Variants in HEG1 observed in about 807,000 individuals in gnomAD.
The protein encoded by HEG1 is heart development protein with EGF like domains 1.
Under a neutral mutation model 125.6 loss-of-function variants are expected in HEG1, and 56 were observed. The ratio of observed to expected loss-of-function variants is 0.45; its 90% CI spans 0.36 to 0.56. The LOEUF (loss-of-function observed/expected upper bound fraction) is 0.56. Ranked by LOEUF, HEG1 falls within the 20% of genes least tolerant of loss-of-function variation. HEG1 has a pLI of 0.00. For synonymous variants in HEG1, 644 were observed against 668.5 expected (o/e 0.96, Z 0.57); for missense variants, 1,523 against 1,670.0 (o/e 0.91, Z 1.53).
intron 3 of HEG1, among the ~76,000 whole-genome samples, chr3:125,021,642 G>A (rs1937337023): frequency 6.6e-6 from 1 of 152,222 alleles, no homozygotes; most frequent in East Asian, 1.9e-4. Context: ...GCAGAACACA[G>A]CTGGGACACT....
chr3:125,009,671 C>T lies in HEG1; in HGVS notation c.3193+34G>A, dbSNP rs573273572. The T allele has an allele frequency of 4.2e-4, 658 of 1,575,032 alleles. 12 individuals carry two copies. In the South Asian group the frequency reaches 6.2e-3, roughly 15 times the overall value. On this transcript the variant is annotated intron_variant, in intron 8 of 16. Transcript: ENST00000311127. ...TTACCTTGTAAAATATATTGTGGTACGGAATAAAGTCCGAAATAGACTAAG... is the reference window on the plus strand; with the variant it reads ...TTACCTTGTAAAATATATTGTGGTATGGAATAAAGTCCGAAATAGACTAAG...
At chr3:124,982,622 A>G (rs1223487651) in intron 14 of HEG1, among the ~76,000 whole-genome samples, 2 of 152,134 alleles carry the variant, frequency 1.3e-5, no homozygotes, top group East Asian at 3.9e-4. Flanking sequence ...CTTTCATCAA[A>G]CCAACAGCAC....
In HEG1 at chr3:125,032,868, C is replaced by A. The variant is rs193097283; in HGVS notation, c.317-3380G>T. On this transcript the variant is annotated intron_variant, in intron 1 of 16. Transcript: ENST00000311127. ...TCAGCCATTGGTGAGTGTGGCGGGG[C>A]CTTTGAGGAAGCAGCTTTGTTCCCT... Among the ~76,000 whole-genome samples, 135 of 152,136 alleles carry A rather than the reference C, an allele frequency of 8.9e-4. 4 individuals carry two copies. The East Asian group carries it at 0.018, about 21-fold the overall frequency.
intron 12 of HEG1, among the ~76,000 whole-genome samples, chr3:124,992,656 A>G (rs1264833646): frequency 6.6e-6 from 1 of 152,210 alleles, no homozygotes; most frequent in East Asian, 1.9e-4. Flanking sequence ...TGTGTGTGAT[A>G]ACTTTCCTCA....
At chr3:125,001,276 T>A (rs1296747159) in intron 11 of HEG1, among the ~76,000 whole-genome samples, 1 of 151,916 alleles carries the variant, frequency 6.6e-6, no homozygotes, top group East Asian at 1.9e-4. Flanking sequence ...GATGAAGGTT[T>A]TGGTGGTGGT....
chr3:125,026,878 T>C (rs936931485), intron 3 of HEG1, among the ~76,000 whole-genome samples: 4 of 152,144 alleles, frequency 2.6e-5, no homozygotes, highest in African/African-American at 4.8e-5. Context: ...TGGGCGCCTG[T>C]AATCCCAGCT....
chr3:125,046,379 G>GTA (rs1279238564), intron 1 of HEG1, among the ~76,000 whole-genome samples: 15 of 132,080 alleles, frequency 1.1e-4, no homozygotes, highest in Middle Eastern at 3.3e-3. Flanking sequence ...ATATGTATAT[G>GTA]TATATATATA....
intron 1 of HEG1, among the ~76,000 whole-genome samples, chr3:125,031,042 G>T (rs1462399870): frequency 1.3e-5 from 2 of 152,136 alleles, no homozygotes; most frequent in East Asian, 3.8e-4. Context: ...TGGCAAAGAG[G>T]GTATTAGTTA....
At chr3:124,996,715 G>A (rs924195590) in intron 12 of HEG1, among the ~76,000 whole-genome samples, 2 of 152,230 alleles carry the variant, frequency 1.3e-5, no homozygotes, top group African/African-American at 2.4e-5. Context: ...CTCATGGGAA[G>A]TCCTGATGGA....
intron 14 of HEG1, 71 bp downstream of exon 14, chr3:124,990,716 A>G: frequency 7.1e-7 from 1 of 1,402,392 alleles, no homozygotes; most frequent in Non-Finnish European, 9.9e-7. Flanking sequence ...GTGGGAGGAG[A>G]CTGACACCTG....
intron 14 of HEG1, among the ~76,000 whole-genome samples, chr3:124,987,952 C>CATATATATATATATAT (rs1553776022): frequency 1.3e-4 from 7 of 54,676 alleles, no homozygotes; most frequent in South Asian, 9.8e-4. Flanking sequence ...CACACACACA[C>CATATATATATATATAT]ATATATATAT....
At chr3:124,979,010 G>C (rs1936602958) in intron 14 of HEG1, among the ~76,000 whole-genome samples, 1 of 151,434 alleles carries the variant, frequency 6.6e-6, no homozygotes, top group South Asian at 2.1e-4. Flanking sequence ...GAGTGCAATG[G>C]TGCGATCCCG....
chr3:125,042,541 G>A (rs559894819), intron 1 of HEG1, among the ~76,000 whole-genome samples: 9 of 152,248 alleles, frequency 5.9e-5, no homozygotes, highest in Non-Finnish European at 1.3e-4. Context: ...AGGAGTTCCA[G>A]GAGAGCTGGA....
intron 14 of HEG1, among the ~76,000 whole-genome samples, chr3:124,985,367 G>A (rs981575735): frequency 1.3e-5 from 2 of 152,098 alleles, no homozygotes; most frequent in Admixed American, 1.3e-4. Context: ...GGAAATTAAT[G>A]GGCATGTGCT....
At chr3:125,001,179 G>A (rs1375574611) in intron 11 of HEG1, among the ~76,000 whole-genome samples, 1 of 151,706 alleles carries the variant, frequency 6.6e-6, no homozygotes, top group Non-Finnish European at 1.5e-5. Context: ...TTTTGTTTCT[G>A]TGCATTTATA....
In HEG1 at chr3:125,012,756, T is replaced by C; in HGVS notation, c.2823A>G (p.Ser941=). ...LGVTAEYSPA[S]RSLGTSPSPQ... ...GAGAAGGAGATGTTCCGAGGGAACG[T>C]GAAGCTGGGCTGTACTCTGCTGTAA... The change falls in exon 6 of 17, where the codon TCA becomes TCG. Residue 941 remains serine, a synonymous_variant. Coordinates refer to ENST00000311127, the MANE Select transcript of HEG1 (RefSeq NM_020733.2). 1 of 1,614,054 alleles carries C rather than the reference T, an allele frequency of 6.2e-7. No individual in the cohort carries two copies. The highest frequency in any genetic ancestry group is 8.5e-7 in the Non-Finnish European group (1 of 1,179,890).
chr3:124,987,952 CAT>C lies in HEG1; in HGVS notation c.3733+2833_3733+2834del, dbSNP rs1553776022. ...ACACACACACACACACACACACACA[CAT>C]ATATATATATATATATATATACCAT... is the stretch of plus-strand genomic sequence containing the variant. On this transcript the variant is annotated intron_variant, in intron 14 of 16. Transcript: ENST00000311127. Among the ~76,000 whole-genome samples, 496 of 54,694 alleles carry C rather than the reference CAT, an allele frequency of 9.1e-3. 48 individuals carry two copies. The highest frequency in any genetic ancestry group is 0.021 in the South Asian group (22 of 1,024). The allele number at this position is 54,694 out of a possible 152,430, so 35.9% of individuals were successfully genotyped here. A position where few individuals can be genotyped will look rare whatever the true frequency, so the allele number is the denominator to read the frequency against.
intron 3 of HEG1, among the ~76,000 whole-genome samples, chr3:125,025,896 C>G (rs1937407862): frequency 6.6e-6 from 1 of 152,194 alleles, no homozygotes; most frequent in Non-Finnish European, 1.5e-5. Context: ...AAACTGTATA[C>G]AGGGTATGTG....
intron 14 of HEG1, among the ~76,000 whole-genome samples, chr3:124,987,595 T>C (rs1312296485): frequency 1.4e-5 from 2 of 146,246 alleles, no homozygotes; most frequent in African/African-American, 5.2e-5. Context: ...CTATCCCGGC[T>C]CACTGCAAGC....
Sources: allele counts gnomAD v4.1 joint callset (sites outside exome capture counted in the v4.1 genomes callset), GRCh38; gene constraint gnomAD v4.1.1; transcripts MANE v1.5; gene names NCBI Gene and HGNC (gene_info 2026-07-23, HGNC 2026-07-21).